Variants in NFIB observed in about 807,000 individuals in gnomAD.
The protein encoded by NFIB is nuclear factor 1 B-type.
Under a neutral mutation model 61.5 loss-of-function variants are expected in NFIB, and 11 were observed. The ratio of observed to expected loss-of-function variants is 0.18; its 90% CI spans 0.11 to 0.30. The LOEUF is 0.30. Among genes scored for constraint, NFIB ranks in the 10% least tolerant of loss-of-function variants. The probability of loss-of-function intolerance (pLI) is 1.00; values close to 1 mark genes in which losing one functional copy is unlikely to be tolerated. For missense variants in NFIB, 471 were observed against 608.9 expected (o/e 0.77, Z 2.38); for synonymous variants, 260 against 216.5 (o/e 1.20, Z -1.76).
upstream of NFIB, among the ~76,000 whole-genome samples, chr9:14,314,832 T>C (rs1588289922): frequency 6.9e-6 from 1 of 143,990 alleles, no homozygotes. Flanking sequence ...TCCGCTGCCC[T>C]CCCCACACCA....
chr9:14,351,939 G>C (rs2061117621), intron 1 of NFIB, among the ~76,000 whole-genome samples: 1 of 152,158 alleles, frequency 6.6e-6, no homozygotes, highest in Non-Finnish European at 1.5e-5. Flanking sequence ...ATGGATCTGA[G>C]AGCAGAGTGT....
intron 2 of NFIB, among the ~76,000 whole-genome samples, chr9:14,303,918 G>A (rs566834969): frequency 6.6e-6 from 1 of 152,322 alleles, no homozygotes; most frequent in Non-Finnish European, 1.5e-5. Context: ...GTGAAGTGCA[G>A]GGAGACATTT....
At chr9:14,359,871 A>C (rs550439388) in intron 1 of NFIB, among the ~76,000 whole-genome samples, 1 of 152,290 alleles carries the variant, frequency 6.6e-6, no homozygotes, top group African/African-American at 2.4e-5. Flanking sequence ...GCAGCACAGA[A>C]AGTAGTAAAG....
At chr9:14,089,273 T>A (rs550019325) in intron 10 of NFIB, among the ~76,000 whole-genome samples, 19 of 151,330 alleles carry the variant, frequency 1.3e-4, no homozygotes, top group Non-Finnish European at 2.7e-4. Flanking sequence ...GATGGCGGGT[T>A]GGGGGTTGGG....
intron 10 of NFIB, among the ~76,000 whole-genome samples, chr9:14,100,551 T>C (rs1247051804): frequency 6.6e-6 from 1 of 151,244 alleles, no homozygotes; most frequent in Non-Finnish European, 1.5e-5. Context: ...TACTAAAAAA[T>C]ACAAAAAAAT....
chr9:14,321,718 C>T (rs2060665288), intron 1 of NFIB, among the ~76,000 whole-genome samples: 1 of 152,146 alleles, frequency 6.6e-6, no homozygotes. Flanking sequence ...GTCACATGTA[C>T]TAAAGTTGCC....
At chr9:14,278,648 A>G (rs1052330754) in intron 2 of NFIB, among the ~76,000 whole-genome samples, 2 of 152,184 alleles carry the variant, frequency 1.3e-5, no homozygotes, top group African/African-American at 4.8e-5. Flanking sequence ...CTGGGACAGA[A>G]CCCTGTTAGG....
At chr9:14,247,405 C>T (rs1272459466) in intron 2 of NFIB, among the ~76,000 whole-genome samples, 2 of 152,206 alleles carry the variant, frequency 1.3e-5, no homozygotes, top group Non-Finnish European at 2.9e-5. Flanking sequence ...AGTGACCATG[C>T]CCAGAACAGG....
chr9:14,394,819 C>T (rs961307795), intron 1 of NFIB, among the ~76,000 whole-genome samples: 2 of 152,184 alleles, frequency 1.3e-5, no homozygotes, highest in African/African-American at 4.8e-5. Flanking sequence ...TAAGTCTCAG[C>T]TGCCTTCTCT....
At chr9:14,454,416 T>A in the NFIB span, among the ~76,000 whole-genome samples, 1 of 152,262 alleles carries the variant, frequency 6.6e-6, no homozygotes, top group Admixed American at 6.5e-5. Context: ...CATCAAGTTA[T>A]TCAAAGCATT....
chr9:14,390,665 G>C (rs1391474826), intron 1 of NFIB, among the ~76,000 whole-genome samples: 1 of 152,170 alleles, frequency 6.6e-6, no homozygotes, highest in South Asian at 2.1e-4. Context: ...TATGAAAGTG[G>C]AGCCCTCATG....
intron 2 of NFIB, chr9:14,204,137 CT>C (rs2049361423): frequency 4.5e-6 from 2 of 447,902 alleles, no homozygotes; most frequent in African/African-American, 4.0e-5. Context: ...CTATGTTTGT[CT>C]TACAACATTA....
intron 1 of NFIB, among the ~76,000 whole-genome samples, chr9:14,353,927 G>A (rs1185583316): frequency 6.6e-6 from 1 of 150,604 alleles, no homozygotes. Flanking sequence ...CTGGTGCAGT[G>A]GAAAGTACGC....
intron 1 of NFIB, among the ~76,000 whole-genome samples, chr9:14,310,199 T>G (rs149179343): frequency 6.6e-6 from 1 of 152,350 alleles, no homozygotes; most frequent in Admixed American, 6.5e-5. Flanking sequence ...CACACAGTTT[T>G]TAAACGTTCC....
chr9:14,354,530 C>T (rs62532795), intron 1 of NFIB, among the ~76,000 whole-genome samples: 6,141 of 152,190 alleles, frequency 0.04, 164 homozygotes, highest in African/African-American at 0.061. Flanking sequence ...GGTACAAAGA[C>T]CAATTTGAGA....
At chr9:14,163,164 G>GA (rs2131291162) in intron 3 of NFIB, among the ~76,000 whole-genome samples, 1 of 151,610 alleles carries the variant, frequency 6.6e-6, no homozygotes, top group South Asian at 2.1e-4. Context: ...AGCAGGAAAA[G>GA]AAAAAGTAGA....
chr9:14,125,582 G>C, intron 7 of NFIB, 50 bp downstream of exon 7: 13 of 1,607,956 alleles, frequency 8.1e-6, no homozygotes, highest in Non-Finnish European at 1.1e-5. Flanking sequence ...AAGGGGGTTA[G>C]GCCCTACAGA....
chr9:14,472,522 A>C, the NFIB span, among the ~76,000 whole-genome samples: 1 of 152,338 alleles, frequency 6.6e-6, no homozygotes. Context: ...CTTTATTTTA[A>C]ATTTCATTTT....
At chr9:14,486,032 C>T in the NFIB span, among the ~76,000 whole-genome samples, 17 of 152,240 alleles carry the variant, frequency 1.1e-4, no homozygotes, top group African/African-American at 3.9e-4. Context: ...TACGGACACA[C>T]ACAGAACACA....
Sources: allele counts gnomAD v4.1 joint callset (sites outside exome capture counted in the v4.1 genomes callset), GRCh38; gene constraint gnomAD v4.1.1; transcripts MANE v1.5; gene names NCBI Gene and HGNC (gene_info 2026-07-23, HGNC 2026-07-21).